Variants in GIGYF2 observed in about 807,000 individuals in gnomAD.
GIGYF2 encodes the protein GRB10 interacting GYF protein 2, also known as GRB10-interacting GYF protein 2.
A neutral mutation model predicts 208.1 loss-of-function variants in GIGYF2; 25 were observed. That is an observed-to-expected ratio of 0.12 (90% CI 0.09 to 0.17). The LOEUF is 0.17. Ranked by LOEUF, GIGYF2 falls within the 10% of genes least tolerant of loss-of-function variation. GIGYF2 has a pLI of 1.00. For synonymous variants in GIGYF2, 534 were observed against 543.8 expected, an observed-to-expected ratio of 0.98 and a Z score of 0.25; for missense variants, 1,302 against 1,579.4, an observed-to-expected ratio of 0.82 and a Z score of 2.98.
chr2:232,726,117 T>C (rs368508043), intron 2 of GIGYF2, among the ~76,000 whole-genome samples: 297 of 152,280 alleles, frequency 2.0e-3, no homozygotes, highest in African/African-American at 6.9e-3. Context: ...CCACCTGTAA[T>C]CCACCACTTT....
At chr2:232,760,104 C>G (rs1574845472) in intron 6 of GIGYF2, 1 of 172,456 alleles carries the variant, frequency 5.8e-6, no homozygotes, top group East Asian at 1.6e-4. Flanking sequence ...ACTCTCTAAA[C>G]CAAGATTTCT....
chr2:232,744,824 C>A (rs970488855), intron 3 of GIGYF2, among the ~76,000 whole-genome samples: 1 of 152,172 alleles, frequency 6.6e-6, no homozygotes, highest in Admixed American at 6.5e-5. Flanking sequence ...AGCTAACCTG[C>A]AACCGGTCAA....
chr2:232,752,701 C>T (rs1419630147), intron 5 of GIGYF2, among the ~76,000 whole-genome samples: 3 of 151,942 alleles, frequency 2.0e-5, no homozygotes, highest in Non-Finnish European at 2.9e-5. Flanking sequence ...CCACTGCACC[C>T]GGCTAATTTT....
intron 20 of GIGYF2, among the ~76,000 whole-genome samples, chr2:232,819,200 G>T (rs1160751487): frequency 2.6e-5 from 4 of 152,152 alleles, no homozygotes; most frequent in African/African-American, 9.7e-5. Flanking sequence ...TTAATTCTTA[G>T]AGTCACACTA....
chr2:232,773,042 T>G (rs1292076282), intron 8 of GIGYF2, among the ~76,000 whole-genome samples: 1 of 152,184 alleles, frequency 6.6e-6, no homozygotes, highest in Non-Finnish European at 1.5e-5. Flanking sequence ...AACACTGGGA[T>G]GATTGTTCAG....
intron 14 of GIGYF2, among the ~76,000 whole-genome samples, chr2:232,804,101 T>TA (rs1553615666): frequency 2.0e-5 from 3 of 152,148 alleles, no homozygotes; most frequent in Non-Finnish European, 4.4e-5. Flanking sequence ...AATCTTCTTT[T>TA]AAAAAAATTT....
In GIGYF2 at chr2:232,795,954, C is replaced by T. The variant is rs1700208975; in HGVS notation, c.1480-108C>T. ...ACCTGCTATGTTCTTTGCATAGTGA[C>T]TTTCATAGATCAAGTAGTCCAAAAA... On this transcript the variant is annotated intron_variant, in intron 13 of 28. Coordinates refer to ENST00000373563, the MANE Select transcript of GIGYF2 (RefSeq NM_001103146.3). 10 of 794,470 alleles carry T rather than the reference C, an allele frequency of 1.3e-5. No individual in the cohort carries two copies. In the South Asian group the frequency reaches 1.4e-4, roughly 11 times the overall value. 49.2% of individuals were successfully genotyped at this position (794,470 alleles called of 1,614,324 possible).
chr2:232,814,221 C>A (rs1700833210), intron 18 of GIGYF2, among the ~76,000 whole-genome samples: 1 of 152,046 alleles, frequency 6.6e-6, no homozygotes. Flanking sequence ...ATACTTAACA[C>A]AAACATTTTT....
At chr2:232,776,365 G>C (rs1699512191) in intron 8 of GIGYF2, 1 of 997,104 alleles carries the variant, frequency 1.0e-6, no homozygotes, top group Admixed American at 1.9e-5. Flanking sequence ...AAGTAATCTA[G>C]CTCTGTTGCT....
rs1434650994 is a variant in GIGYF2 at position 232,858,518 on chromosome 2, G to A, written c.*1658G>A. On this transcript the variant is annotated 3_prime_UTR_variant, in exon 29 of 29. Transcript: ENST00000373563. ...TGCTTTGTAAATTCAAAAGTTGGGG[G>A]TGGGTAAGAGGGATAGTTAAAATGT... 2.2e-6 allele frequency: 1 copy of A among 456,382 alleles called. No individual in the cohort carries two copies. The highest frequency in any genetic ancestry group is 4.4e-6 in the Non-Finnish European group (1 of 226,806). The allele number at this position is 456,382 out of a possible 1,614,324, so 28.3% of individuals were successfully genotyped here.
chr2:232,706,802 A>T (rs923945969), intron 2 of GIGYF2, among the ~76,000 whole-genome samples: 1 of 150,502 alleles, frequency 6.6e-6, no homozygotes, highest in Non-Finnish European at 1.5e-5. Flanking sequence ...AATAAATAAA[A>T]ATAAATAATT....
chr2:232,781,287 T>TAC (rs3062047), intron 8 of GIGYF2, among the ~76,000 whole-genome samples: 8,358 of 127,010 alleles, frequency 0.066, 327 homozygotes, highest in African/African-American at 0.11. Flanking sequence ...ATATCAGGAA[T>TAC]ACACACACAC....
rs74560358 is a variant in GIGYF2 at position 232,811,255 on chromosome 2, C to T, written c.1910C>T (p.Ala637Val). 781 of 1,598,206 alleles carry T rather than the reference C, an allele frequency of 4.9e-4. 5 individuals carry two copies. The African/African-American group carries it at 8.9e-3, about 18-fold the overall frequency. ...TTTACTTTTTGAAGACAACAATATGCACAGGTTTTGGCCCAACAGCAGAAA... is the reference window on the plus strand; with the variant it reads ...TTTACTTTTTGAAGACAACAATATGTACAGGTTTTGGCCCAACAGCAGAAA... ...YQQFLIQQQY[A>V]QVLAQQQKAA... The change falls in exon 17 of 29, where the codon GCA becomes GTA. Residue 637 changes from alanine to valine, a missense_variant. Ala to Val is a moderately conservative substitution (Grantham distance 64, BLOSUM62 0). Transcript: ENST00000373563.
intron 3 of GIGYF2, among the ~76,000 whole-genome samples, chr2:232,743,190 G>T (rs35928329): frequency 0.16 from 24,838 of 152,070 alleles, 2,590 homozygotes; most frequent in Non-Finnish European, 0.22. Flanking sequence ...GGAGCTAGTG[G>T]AGTGGCAGGA....
intron 1 of GIGYF2, among the ~76,000 whole-genome samples, chr2:232,699,064 G>A (rs1695732081): frequency 6.6e-6 from 1 of 152,312 alleles, no homozygotes; most frequent in Non-Finnish European, 1.5e-5. Context: ...GGTAAGCGAT[G>A]TGAAAGAAAA....
intron 2 of GIGYF2, among the ~76,000 whole-genome samples, chr2:232,704,296 C>T (rs1468595987): frequency 1.3e-5 from 2 of 152,114 alleles, no homozygotes; most frequent in African/African-American, 2.4e-5. Context: ...TCTGCAGTTT[C>T]GATTTATCTG....
intron 3 of GIGYF2, among the ~76,000 whole-genome samples, chr2:232,743,442 G>A (rs910046494): frequency 6.6e-6 from 1 of 152,060 alleles, no homozygotes; most frequent in Non-Finnish European, 1.5e-5. Context: ...TAGGTTCGGG[G>A]GTACATGTGA....
intron 18 of GIGYF2, among the ~76,000 whole-genome samples, chr2:232,814,619 G>A (rs1460992612): frequency 7.2e-6 from 1 of 139,246 alleles, no homozygotes; most frequent in Non-Finnish European, 1.5e-5. Flanking sequence ...AAGTGTATAT[G>A]AAAGATTAAT....
At chr2:232,709,902 G>A (rs763626646) in intron 2 of GIGYF2, among the ~76,000 whole-genome samples, 1 of 151,952 alleles carries the variant, frequency 6.6e-6, no homozygotes, top group Non-Finnish European at 1.5e-5. Flanking sequence ...AAAGTGCTGG[G>A]ATTAGAGATC....
Sources: allele counts gnomAD v4.1 joint callset (sites outside exome capture counted in the v4.1 genomes callset), GRCh38; gene constraint gnomAD v4.1.1; transcripts MANE v1.5; gene names NCBI Gene and HGNC (gene_info 2026-07-23, HGNC 2026-07-21).